The following BAZ2B variants were observed in gnomAD, a reference collection of about 807,000 sequenced individuals.
BAZ2B encodes the protein bromodomain adjacent to zinc finger domain protein 2B.
In BAZ2B, 91 loss-of-function variants were observed where a neutral mutation model predicts 246.0. The ratio of observed to expected loss-of-function variants is 0.37; its 90% CI spans 0.31 to 0.44. The LOEUF is 0.44. Among genes scored for constraint, BAZ2B ranks in the 20% least tolerant of loss-of-function variants. The probability of loss-of-function intolerance (pLI) is 1.00; values close to 1 mark genes in which losing one functional copy is unlikely to be tolerated. For synonymous variants in BAZ2B, 855 were observed against 860.0 expected (o/e 0.99, Z 0.10); for missense variants, 2,332 against 2,533.7 (o/e 0.92, Z 1.71).
downstream of BAZ2B, among the ~76,000 whole-genome samples, chr2:159,316,451 G>A (rs4665056): frequency 0.27 from 40,623 of 151,662 alleles, 6,310 homozygotes; most frequent in East Asian, 0.6. Flanking sequence ...CCAGCACTTC[G>A]GGAGGCCGTG....
intron 1 of BAZ2B, among the ~76,000 whole-genome samples, chr2:159,609,905 A>C (rs1694343675): frequency 6.6e-6 from 1 of 152,224 alleles, no homozygotes; most frequent in African/African-American, 2.4e-5. Context: ...AGCTGTTCTT[A>C]AATTATGAAT....
intron 2 of BAZ2B, among the ~76,000 whole-genome samples, chr2:159,523,716 C>A (rs2084402581): frequency 6.6e-6 from 1 of 151,986 alleles, no homozygotes; most frequent in African/African-American, 2.4e-5. Flanking sequence ...GAAAAAGAAA[C>A]AGAAATGCAG....
At chr2:159,318,470 A>G (rs1022222834), downstream of BAZ2B, among the ~76,000 whole-genome samples, 3 of 152,212 alleles carry the variant, frequency 2.0e-5, no homozygotes, top group African/African-American at 7.2e-5. Context: ...TTCTCTCTTC[A>G]TGATAAAAAG....
chr2:159,599,592 T>C (rs1691586792), intron 1 of BAZ2B, among the ~76,000 whole-genome samples: 1 of 150,032 alleles, frequency 6.7e-6, no homozygotes, highest in South Asian at 2.1e-4. Flanking sequence ...CACTCCAGCC[T>C]GGGCAACAAG....
At chr2:159,707,306 TTGGGAGGCCAAGGCAGGAGGGTC>T in the BAZ2B span, among the ~76,000 whole-genome samples, 1 of 152,004 alleles carries the variant, frequency 6.6e-6, no homozygotes, top group African/African-American at 2.4e-5. Flanking sequence ...TCACAGCACT[TTGGGAGGCCAAGGCAGGAGGGTC>T]TGGGAGGCCA....
At chr2:159,685,681 T>G in the BAZ2B span, among the ~76,000 whole-genome samples, 1 of 152,008 alleles carries the variant, frequency 6.6e-6, no homozygotes, top group Non-Finnish European at 1.5e-5. Context: ...TGGAATAATT[T>G]GAGTGACAAA....
At chr2:159,408,930 TAAAG>T (rs2066385995) in intron 14 of BAZ2B, among the ~76,000 whole-genome samples, 1 of 148,448 alleles carries the variant, frequency 6.7e-6, no homozygotes, top group Non-Finnish European at 1.5e-5. Flanking sequence ...AAAATAAAAA[TAAAG>T]AAAAAAGAAG....
At chr2:159,483,796 C>T (rs1314554837) in intron 2 of BAZ2B, among the ~76,000 whole-genome samples, 1 of 149,306 alleles carries the variant, frequency 6.7e-6, no homozygotes, top group Admixed American at 6.7e-5. Context: ...AAAACAAAAC[C>T]AAAACAAAAC....
intron 1 of BAZ2B, among the ~76,000 whole-genome samples, chr2:159,572,197 C>G (rs979572792): frequency 1.3e-5 from 2 of 152,136 alleles, no homozygotes. Flanking sequence ...CCTTATATAC[C>G]TTACCAACTG....
chr2:159,466,444 A>G (rs1577369151), intron 3 of BAZ2B, among the ~76,000 whole-genome samples: 1 of 152,314 alleles, frequency 6.6e-6, no homozygotes, highest in Non-Finnish European at 1.5e-5. Context: ...ACATATTGGT[A>G]AAACAGATAA....
chr2:159,613,483 T>A (rs377701942), intron 1 of BAZ2B, among the ~76,000 whole-genome samples: 21 of 149,970 alleles, frequency 1.4e-4, no homozygotes, highest in South Asian at 4.2e-4. Flanking sequence ...AAAAAGACTC[T>A]TCATCATCGT....
intron 1 of BAZ2B, among the ~76,000 whole-genome samples, chr2:159,565,427 G>C (rs1314256006): frequency 1.3e-5 from 2 of 152,080 alleles, no homozygotes; most frequent in Admixed American, 6.5e-5. Context: ...ATGATCTAGA[G>C]AGAGAAAAAA....
At chr2:159,415,027 G>A (rs2067443973) in intron 13 of BAZ2B, among the ~76,000 whole-genome samples, 1 of 151,988 alleles carries the variant, frequency 6.6e-6, no homozygotes, top group African/African-American at 2.4e-5. Flanking sequence ...AACAGTATTG[G>A]TCAAAATGAT....
the BAZ2B span, among the ~76,000 whole-genome samples, chr2:159,645,969 T>C: frequency 6.6e-6 from 1 of 152,148 alleles, no homozygotes; most frequent in Non-Finnish European, 1.5e-5. Flanking sequence ...AAATTGCTAA[T>C]GAAGTTTCGG....
chr2:159,600,852 C>T (rs764352929), intron 1 of BAZ2B, among the ~76,000 whole-genome samples: 6 of 152,162 alleles, frequency 3.9e-5, no homozygotes, highest in Admixed American at 2.0e-4. Context: ...TTGGCCTCAT[C>T]GTTTTTATTT....
At chr2:159,625,616 C>A in the BAZ2B span, among the ~76,000 whole-genome samples, 1 of 152,146 alleles carries the variant, frequency 6.6e-6, no homozygotes, top group Non-Finnish European at 1.5e-5. Flanking sequence ...CCTTCACTGA[C>A]AAGCAAATGC....
chr2:159,664,909 T>C, the BAZ2B span, among the ~76,000 whole-genome samples: 2 of 151,406 alleles, frequency 1.3e-5, no homozygotes, highest in Admixed American at 6.6e-5. Flanking sequence ...ATTTTGGCTT[T>C]TGTTGCCATT....
chr2:159,585,953 C>T (rs1478413434), intron 1 of BAZ2B, among the ~76,000 whole-genome samples: 3 of 152,182 alleles, frequency 2.0e-5, no homozygotes, highest in Non-Finnish European at 2.9e-5. Flanking sequence ...TACATGTCTA[C>T]TTATGCCAAA....
chr2:159,611,171 T>C (rs1694646048), intron 1 of BAZ2B, among the ~76,000 whole-genome samples: 1 of 151,950 alleles, frequency 6.6e-6, no homozygotes, highest in Non-Finnish European at 1.5e-5. Context: ...CTTCTAGAAA[T>C]CTGATGCCTG....
Sources: allele counts gnomAD v4.1 joint callset (sites outside exome capture counted in the v4.1 genomes callset), GRCh38; gene constraint gnomAD v4.1.1; transcripts MANE v1.5; gene names NCBI Gene and HGNC (gene_info 2026-07-23, HGNC 2026-07-21).